Variants in EXOSC10 observed in about 807,000 individuals in gnomAD.
The protein encoded by EXOSC10 is exosome component 10.
A neutral mutation model predicts 126.6 loss-of-function variants in EXOSC10; 94 were observed. The observed-to-expected ratio is 0.74, with a 90% CI of 0.63 to 0.88. EXOSC10 has a LOEUF of 0.88. Among genes scored for constraint, EXOSC10 ranks in the 40% least tolerant of loss-of-function variants. The pLI is 0.00. For synonymous variants in EXOSC10, 395 were observed against 400.8 expected (o/e 0.99, Z 0.17); for missense variants, 1,041 against 1,100.5 (o/e 0.95, Z 0.77).
chr1:11,074,347 C>G lies in EXOSC10; in HGVS notation c.1987-21G>C, dbSNP rs568591106. 5 of 1,530,476 alleles carry G rather than the reference C, an allele frequency of 3.3e-6. No homozygotes were observed. The African/African-American group carries it at 5.5e-5, about 17-fold the overall frequency. The allele number at this position is 1,530,476 out of a possible 1,614,324, so 94.8% of individuals were successfully genotyped here. On this transcript the variant is annotated intron_variant, in intron 17 of 24. Transcript: ENST00000376936. ...GGTTCCTGCAGGGACAGACAAAAAACGATCACTAATGACCATGATCATCTG... is the reference window on the plus strand; with the variant it reads ...GGTTCCTGCAGGGACAGACAAAAAAGGATCACTAATGACCATGATCATCTG...
In EXOSC10 at chr1:11,076,938, T is replaced by C; in HGVS notation, c.1890A>G (p.Pro630=). The change falls in exon 17 of 25, where the codon CCA becomes CCG. Residue 630 remains proline, a synonymous_variant. Transcript: ENST00000376936. Reference sequence around the variant, plus strand: ...GGAAGAGGCTCGCCTGCTTCTGAACTGGCACAGATCCTAGAGGAGCAGAAG... The same window carrying C: ...GGAAGAGGCTCGCCTGCTTCTGAACCGGCACAGATCCTAGAGGAGCAGAAG... ...YPIIPTSGSV[P]VQKQASLFPD... The C allele has an allele frequency of 6.2e-7, 1 of 1,613,512 alleles. No individual in the cohort carries two copies. Among genetic ancestry groups the C allele is most frequent in the South Asian group, 1.1e-5 (1 of 91,078 alleles).
At chr1:11,084,130 T>C (rs1030977901) in intron 9 of EXOSC10, among the ~76,000 whole-genome samples, 8 of 152,226 alleles carry the variant, frequency 5.3e-5, no homozygotes, top group Admixed American at 2.0e-4. Flanking sequence ...TATAGCCCTT[T>C]GGGTATATAC....
intron 2 of EXOSC10, among the ~76,000 whole-genome samples, chr1:11,097,408 T>G (rs368544041): frequency 9.4e-5 from 14 of 149,330 alleles, no homozygotes; most frequent in African/African-American, 3.3e-4. Context: ...TAAAAATACC[T>G]GCTACTCTAC....
chr1:11,075,039 G>A (rs1192382221), intron 17 of EXOSC10, among the ~76,000 whole-genome samples: 1 of 152,086 alleles, frequency 6.6e-6, no homozygotes, highest in Non-Finnish European at 1.5e-5. Flanking sequence ...ATGTATGTAT[G>A]TATTATTTTT....
At chr1:11,083,614 T>TAAA (rs201897981) in intron 9 of EXOSC10, among the ~76,000 whole-genome samples, 1 of 149,902 alleles carries the variant, frequency 6.7e-6, no homozygotes, top group African/African-American at 2.5e-5. Flanking sequence ...TTTTTTAAGT[T>TAAA]AAAAAAATTT....
chr1:11,091,274 C>T (rs552882140), intron 4 of EXOSC10, 95 bp from the exon 5 acceptor site: 240 of 1,219,186 alleles, frequency 2.0e-4, no homozygotes, highest in Admixed American at 2.6e-4. Context: ...ACAAGAACAT[C>T]GCAAAGGTCA....
At chr1:11,077,330 C>T (rs368616524) in intron 16 of EXOSC10, 35 bp downstream of exon 16, 3 of 1,591,040 alleles carry the variant, frequency 1.9e-6, no homozygotes, top group Non-Finnish European at 2.6e-6. Context: ...GTGTCCCAAC[C>T]TCTTCGGGAC....
chr1:11,096,302 C>G (rs536540320), intron 2 of EXOSC10, among the ~76,000 whole-genome samples: 3 of 152,100 alleles, frequency 2.0e-5, no homozygotes, highest in Admixed American at 6.6e-5. Flanking sequence ...GGGCACACGC[C>G]ACCAGGTCTG....
intron 5 of EXOSC10, 102 bp downstream of exon 5, chr1:11,090,912 G>C (rs2100221462): frequency 8.3e-7 from 1 of 1,208,704 alleles, no homozygotes; most frequent in African/African-American, 1.5e-5. Context: ...AACAAAGGAG[G>C]GTGGGCTCCC....
chr1:11,069,860 A>C (rs1639356431), intron 21 of EXOSC10, 130 bp from the exon 22 acceptor site: 1 of 972,758 alleles, frequency 1.0e-6, no homozygotes, highest in African/African-American at 1.6e-5. Context: ...TGGGGAGAGG[A>C]GCTGTGGCTG....
intron 19 of EXOSC10, chr1:11,072,382 G>A: frequency 2.0e-6 from 1 of 493,806 alleles, no homozygotes; most frequent in East Asian, 3.8e-5. Flanking sequence ...CTGTCCTCCA[G>A]GCACTGGGCC....
At chr1:11,083,419 G>A (rs1291560254) in intron 9 of EXOSC10, among the ~76,000 whole-genome samples, 7 of 151,886 alleles carry the variant, frequency 4.6e-5, no homozygotes, top group African/African-American at 9.7e-5. Flanking sequence ...AAAATTAGCC[G>A]GGTGTGGTGG....
intron 22 of EXOSC10, 151 bp downstream of exon 22, chr1:11,069,408 T>C: frequency 3.4e-6 from 3 of 888,688 alleles, no homozygotes; most frequent in Non-Finnish European, 5.2e-6. Context: ...CTGTCCACAT[T>C]GCCACGGCCT....
chr1:11,081,029 G>A, intron 11 of EXOSC10, 53 bp downstream of exon 11: 1 of 1,602,584 alleles, frequency 6.2e-7, no homozygotes, highest in Non-Finnish European at 8.5e-7. Context: ...CTAGAACCTG[G>A]CCAGACACAG....
chr1:11,078,028 T>C (rs1280660999), intron 14 of EXOSC10, among the ~76,000 whole-genome samples: 1 of 152,088 alleles, frequency 6.6e-6, no homozygotes, highest in Non-Finnish European at 1.5e-5. Flanking sequence ...ATTCCAGTAC[T>C]TTGGGAGGCT....
Position 11,070,893 on chromosome 1 carries a change from C to T in EXOSC10, c.2316+7G>A, listed in dbSNP as rs567119425. 4.2e-5 allele frequency: 68 copies of T among 1,612,846 alleles called. No homozygotes were observed. In the African/African-American group the frequency reaches 8.9e-4, roughly 21 times the overall value. ...TCAAAGGAAAAAGGAGAAAAGCTGG[C>T]ACATACCACGACCTGCTGTCGGACG... On this transcript the variant is annotated splice_region_variant and intron_variant, in intron 21 of 24. Transcript: ENST00000376936.
chr1:11,081,253 G>C lies in EXOSC10; in HGVS notation c.1281-15C>G, dbSNP rs1318169331. The C allele has an allele frequency of 1.9e-6, 3 of 1,613,260 alleles. No individual in the cohort carries two copies. Among genetic ancestry groups the C allele is most frequent in the Admixed American group, 3.3e-5 (2 of 59,958 alleles). ...CGGGCAGAGGGCTGGAATTGCAGAGGACAATGTTTTACTGATTGCCCCCAA... is the reference window on the plus strand; with the variant it reads ...CGGGCAGAGGGCTGGAATTGCAGAGCACAATGTTTTACTGATTGCCCCCAA... On this transcript the variant is annotated splice_polypyrimidine_tract_variant and intron_variant, in intron 10 of 24. Coordinates refer to ENST00000376936, the MANE Select transcript of EXOSC10 (RefSeq NM_001001998.3).
At chr1:11,068,834 G>A (rs1639269218) in intron 22 of EXOSC10, 128 bp from the exon 23 acceptor site, 4 of 756,768 alleles carry the variant, frequency 5.3e-6, no homozygotes, top group Non-Finnish European at 9.6e-6. Context: ...CTGTCACGAT[G>A]AGGGGCTAGG....
intron 3 of EXOSC10, among the ~76,000 whole-genome samples, chr1:11,093,387 CACT>C (rs1405053550): frequency 3.9e-5 from 6 of 152,166 alleles, no homozygotes; most frequent in African/African-American, 1.4e-4. Flanking sequence ...TCAGCTTGGG[CACT>C]ACTAACAGAG....
Sources: gnomAD v4.1 joint callset for allele counts (sites outside exome capture counted in the v4.1 genomes callset) on GRCh38, gnomAD v4.1.1 for gene constraint, MANE v1.5 for transcripts, NCBI Gene and HGNC (gene_info 2026-07-23, HGNC 2026-07-21) for gene names.